Variants in CPEB4 observed in about 807,000 individuals in gnomAD.
CPEB4 encodes cytoplasmic polyadenylation element binding protein 4.
Under a neutral mutation model 72.5 loss-of-function variants are expected in CPEB4, and 12 were observed. The ratio of observed to expected loss-of-function variants is 0.17; its 90% CI spans 0.11 to 0.27. CPEB4 has a LOEUF of 0.27. Ranked by LOEUF, CPEB4 falls within the 10% of genes least tolerant of loss-of-function variation. The pLI, the probability that CPEB4 is intolerant of heterozygous loss-of-function variation, is 1.00. For missense variants in CPEB4, 614 were observed against 908.5 expected, an observed-to-expected ratio of 0.68 and a Z score of 4.17; for synonymous variants, 302 against 326.3, an observed-to-expected ratio of 0.93 and a Z score of 0.80.
intron 1 of CPEB4, among the ~76,000 whole-genome samples, chr5:173,904,464 CTCT>C (rs1222105600): frequency 6.6e-6 from 1 of 152,146 alleles, no homozygotes; most frequent in Non-Finnish European, 1.5e-5. Flanking sequence ...ATTTCTCTTT[CTCT>C]TCTTATGGTT....
In CPEB4 at chr5:173,912,643, A is replaced by T. The variant is rs544656936; in HGVS notation, c.1207+2039A>T. On this transcript the variant is annotated intron_variant, in intron 2 of 9. Transcript: ENST00000265085. ...ATAAAATAATTTTTTTTTTTTTTTT[A>T]AAAAGTTAAGGTCTGGTGCGGTGGC... Among the ~76,000 whole-genome samples, 228 of 143,150 alleles carry T rather than the reference A, an allele frequency of 1.6e-3. 2 individuals carry two copies. Among genetic ancestry groups the T allele is most frequent in the East Asian group, 6.8e-3 (34 of 5,028 alleles). The allele number at this position is 143,150 out of a possible 152,430, so 93.9% of individuals were successfully genotyped here.
intron 3 of CPEB4, 94 bp downstream of exon 3, chr5:173,932,594 A>G (rs1757486187): frequency 6.7e-6 from 6 of 899,720 alleles, no homozygotes; most frequent in Non-Finnish European, 1.0e-5. Flanking sequence ...TTGTTCTGTA[A>G]TGATAACTGT....
chr5:173,890,903 G>A, intron 1 of CPEB4, 45 bp downstream of exon 1: 2 of 1,544,614 alleles, frequency 1.3e-6, no homozygotes, highest in Non-Finnish European at 1.8e-6. Context: ...TAAGGAAATA[G>A]CATGGTGTAA....
At chr5:173,918,565 C>T (rs1441864604) in intron 2 of CPEB4, among the ~76,000 whole-genome samples, 1 of 152,174 alleles carries the variant, frequency 6.6e-6, no homozygotes, top group Non-Finnish European at 1.5e-5. Flanking sequence ...CCGACATCGT[C>T]ATAGGATCGG....
Position 173,955,602 on chromosome 5 carries a change from TCTC to T in CPEB4, c.1963-305_1963-303del, listed in dbSNP as rs1033812104. ...AATGAGGGTTTATGTCTATGAATAA[TCTC>T]CTGTGGGTTTAATCTCATAACATTC... On this transcript the variant is annotated intron_variant, in intron 9 of 9. Transcript: ENST00000265085. The surrounding 1 kb of genome is among the most constrained non-coding windows in gnomAD (Gnocchi z 4.7). 1.1e-4 allele frequency among the ~76,000 whole-genome samples: 17 copies of T among 152,200 alleles called. No homozygotes were observed. Among genetic ancestry groups the T allele is most frequent in the Non-Finnish European group, 2.2e-4 (15 of 68,032 alleles).
chr5:173,953,317 T>C, intron 9 of CPEB4, 45 bp downstream of exon 9: 1 of 1,359,826 alleles, frequency 7.4e-7, no homozygotes, highest in South Asian at 1.8e-5. Flanking sequence ...AATGGTCCTC[T>C]AAATGTGTGA....
intron 2 of CPEB4, among the ~76,000 whole-genome samples, chr5:173,913,992 C>G (rs1190146766): frequency 2.6e-5 from 4 of 152,200 alleles, no homozygotes; most frequent in African/African-American, 4.8e-5. Context: ...TCATGCTCAT[C>G]AAAAAAGCCA....
At position 173,950,659 on chromosome 5, in the gene CPEB4, G is replaced by A. The variant is rs1758186936; in HGVS notation, c.1665+581G>A. ...AAAAAACCAGACTTCATTTGATAATGCATTTAATAAAATAGCAGAATCAAC... is the reference window on the plus strand; with the variant it reads ...AAAAAACCAGACTTCATTTGATAATACATTTAATAAAATAGCAGAATCAAC... On this transcript the variant is annotated intron_variant, in intron 7 of 9. Transcript: ENST00000265085. The surrounding 1 kb of genome is among the most constrained non-coding windows in gnomAD (Gnocchi z 5.0). Among the ~76,000 whole-genome samples the A allele has an allele frequency of 6.6e-6, 1 of 152,148 alleles. No individual in the cohort carries two copies. Among genetic ancestry groups the A allele is most frequent in the East Asian group, 1.9e-4 (1 of 5,184 alleles).
chr5:173,896,847 CCCAGGAATTTGAGA>C (rs1415484304), intron 1 of CPEB4, among the ~76,000 whole-genome samples: 2 of 152,100 alleles, frequency 1.3e-5, no homozygotes, highest in Admixed American at 1.3e-4. Context: ...ATCACTTGAG[CCCAGGAATTTGAGA>C]CCAGGCCTGG....
chr5:173,910,447 T>C (rs1333827147), intron 1 of CPEB4, 76 bp from the exon 2 acceptor site: 1 of 964,176 alleles, frequency 1.0e-6, no homozygotes, highest in Non-Finnish European at 1.7e-6. Flanking sequence ...CTGTGTCCCA[T>C]CTAATGAAAC....
intron 2 of CPEB4, among the ~76,000 whole-genome samples, chr5:173,912,918 C>CCAA (rs1756716762): frequency 1.1e-5 from 1 of 89,002 alleles, no homozygotes. Context: ...GACCCTGTCT[C>CCAA]AAAAAAAAAA....
chr5:173,911,637 T>G (rs542517644), intron 2 of CPEB4, among the ~76,000 whole-genome samples: 2 of 147,436 alleles, frequency 1.4e-5, no homozygotes, highest in Non-Finnish European at 3.0e-5. Flanking sequence ...TCTCACAAAA[T>G]AAAACATTTT....
intron 1 of CPEB4, among the ~76,000 whole-genome samples, chr5:173,902,552 A>C (rs1490779943): frequency 1.3e-5 from 2 of 152,172 alleles, no homozygotes; most frequent in Non-Finnish European, 2.9e-5. Flanking sequence ...AACTCAGTAC[A>C]GTTTTTGCCT....
intron 3 of CPEB4, among the ~76,000 whole-genome samples, chr5:173,935,302 A>G (rs916255842): frequency 6.6e-6 from 1 of 152,236 alleles, no homozygotes. Context: ...ATCTAAAACT[A>G]TGCACTTTCA....
At position 173,890,627 on chromosome 5, in the gene CPEB4, C is replaced by G. The variant is rs757646732; in HGVS notation, c.894C>G (p.Ser298=). The part of the protein sequence containing the change: ...YQSPSPTPSS[S]WSPGGGGYGG... ...GTCCGTCACCAACACCCTCCTCTTC[C>G]TGGAGCCCGGGCGGTGGTGGATATG... Residue 298 remains serine (S), a synonymous_variant, in exon 1 of 10, where the codon TCC becomes TCG. Coordinates refer to ENST00000265085, the MANE Select transcript of CPEB4 (RefSeq NM_030627.4). 6.2e-7 allele frequency: 1 copy of G among 1,613,984 alleles called. No individual in the cohort carries two copies. Among genetic ancestry groups the G allele is most frequent in the East Asian group, 2.2e-5 (1 of 44,890 alleles).
rs13168379 is a variant in CPEB4, at chr5:173,955,758, G to T, written c.1963-152G>T. The T allele has an allele frequency of 8.8e-6, 5 of 571,106 alleles. No individual in the cohort carries two copies. The highest frequency in any genetic ancestry group is 1.5e-5 in the Non-Finnish European group (5 of 329,036). The allele number at this position is 571,106 out of a possible 1,614,324, so 35.4% of individuals were successfully genotyped here. Reference sequence around the variant, plus strand: ...AAGCCTTACTAGGTTCTTAAAAGATGAACTATCCATATTTCAGTAAATGAA... The same window carrying T: ...AAGCCTTACTAGGTTCTTAAAAGATTAACTATCCATATTTCAGTAAATGAA... On this transcript the variant is annotated intron_variant, in intron 9 of 9. Coordinates refer to ENST00000265085, the MANE Select transcript of CPEB4 (RefSeq NM_030627.4). The surrounding 1 kb of genome is among the most constrained non-coding windows in gnomAD (Gnocchi z 4.7).
chr5:173,898,909 G>A (rs1157998973), intron 1 of CPEB4, among the ~76,000 whole-genome samples: 7 of 152,138 alleles, frequency 4.6e-5, no homozygotes, highest in Non-Finnish European at 8.8e-5. Context: ...CAGGTGATCC[G>A]CTCGCTTTGG....
chr5:173,946,868 C>T (rs1308863154), intron 5 of CPEB4, among the ~76,000 whole-genome samples: 1 of 152,122 alleles, frequency 6.6e-6, no homozygotes, highest in Non-Finnish European at 1.5e-5. Flanking sequence ...ACAAACTAAA[C>T]TTACTCTGCT....
rs1756183452 is a variant in CPEB4, at chr5:173,900,350, A to G, written c.1125+9492A>G. ...AACCCAGGAGGCAGAGGTTGCAGTG[A>G]GCCGAGATCGCGCCATTGCACTCCA... On this transcript the variant is annotated intron_variant, in intron 1 of 9. Coordinates refer to ENST00000265085, the MANE Select transcript of CPEB4 (RefSeq NM_030627.4). This position sits in a 1 kb window ranked among gnomAD's most constrained non-coding sequence, Gnocchi z 4.4. Among the ~76,000 whole-genome samples the G allele has an allele frequency of 6.6e-6, 1 of 152,054 alleles. No individual in the cohort carries two copies. Among genetic ancestry groups the G allele is most frequent in the Non-Finnish European group, 1.5e-5 (1 of 67,998 alleles).
Sources: gnomAD v4.1 joint callset for allele counts (sites outside exome capture counted in the v4.1 genomes callset) on GRCh38, gnomAD v4.1.1 for gene constraint, Gnocchi (gnomAD v3.1) non-coding constraint, MANE v1.5 for transcripts, NCBI Gene and HGNC (gene_info 2026-07-23, HGNC 2026-07-21) for gene names.